Variants in RBFOX3 observed in about 807,000 individuals in gnomAD.
The protein encoded by RBFOX3 is RNA binding fox-1 homolog 3, also known as RNA binding protein fox-1 homolog 3.
In RBFOX3, 17 loss-of-function variants were observed where a neutral mutation model predicts 48.7. The observed-to-expected ratio is 0.35, with a 90% CI of 0.24 to 0.52. RBFOX3 has a LOEUF of 0.52. Among genes scored for constraint, RBFOX3 ranks in the 20% least tolerant of loss-of-function variants. RBFOX3 has a pLI of 0.94. For missense variants in RBFOX3, 382 were observed against 497.5 expected (o/e 0.77, Z 2.21); for synonymous variants, 212 against 209.5 (o/e 1.01, Z -0.10).
At chr17:79,206,699 G>A (rs1394633552) in intron 4 of RBFOX3, among the ~76,000 whole-genome samples, 4 of 152,164 alleles carry the variant, frequency 2.6e-5, no homozygotes, top group African/African-American at 7.2e-5. Context: ...CCCCTGGCAG[G>A]AACAAACCTG....
In RBFOX3 at chr17:79,436,256, T is replaced by C. The variant is rs114787139; in HGVS notation, c.-175+46198A>G. Reference sequence around the variant, plus strand: ...GGCTTGGGTGGGGCAGGCAGCTCCATTGGCAGCTGCTCTAAGGCAGTGCTG... The same window carrying C: ...GGCTTGGGTGGGGCAGGCAGCTCCACTGGCAGCTGCTCTAAGGCAGTGCTG... On this transcript the variant is annotated intron_variant, in intron 2 of 14. Transcript: ENST00000693108. Among the ~76,000 whole-genome samples, 1,211 of 152,302 alleles carry C rather than the reference T, an allele frequency of 8.0e-3. 14 individuals carry two copies. Among genetic ancestry groups the C allele is most frequent in the African/African-American group, 0.028 (1,150 of 41,546 alleles).
intron 1 of RBFOX3, chr17:79,598,281 G>C (rs2145255553): frequency 6.6e-6 from 1 of 152,624 alleles, no homozygotes; most frequent in African/African-American, 2.4e-5. Flanking sequence ...GCAATGCAGA[G>C]ATGACCGTGC....
At chr17:79,123,010 C>T (rs2036161971) in intron 4 of RBFOX3, among the ~76,000 whole-genome samples, 1 of 151,502 alleles carries the variant, frequency 6.6e-6, no homozygotes, top group South Asian at 2.1e-4. Context: ...ATCAAAACAA[C>T]TGAACTCACG....
chr17:79,097,554 T>C (rs1392877737), intron 10 of RBFOX3, 130 bp from the exon 11 acceptor site: 29 of 1,054,546 alleles, frequency 2.8e-5, no homozygotes, highest in Non-Finnish European at 3.2e-5. Context: ...CCCGGAGCGC[T>C]ACTCAGTCAA....
At chr17:79,657,527 C>A in the RBFOX3 span, among the ~76,000 whole-genome samples, 3 of 152,128 alleles carry the variant, frequency 2.0e-5, no homozygotes, top group African/African-American at 7.2e-5. Context: ...AAAAATACAA[C>A]AATTAGCCAA....
chr17:79,182,666 C>A (rs1296774119), intron 4 of RBFOX3, among the ~76,000 whole-genome samples: 1 of 151,980 alleles, frequency 6.6e-6, no homozygotes, highest in Non-Finnish European at 1.5e-5. Context: ...AACTCGCCAG[C>A]CGGAGCTTCC....
chr17:79,289,792 C>G (rs1286591771), intron 3 of RBFOX3, among the ~76,000 whole-genome samples: 2 of 152,238 alleles, frequency 1.3e-5, no homozygotes, highest in Admixed American at 1.3e-4. Context: ...GATAGTTCAA[C>G]TCTAAATGTA....
At chr17:79,280,078 T>A (rs2069899073) in intron 3 of RBFOX3, among the ~76,000 whole-genome samples, 1 of 151,700 alleles carries the variant, frequency 6.6e-6, no homozygotes, top group Non-Finnish European at 1.5e-5. Context: ...GCAGCTAGGG[T>A]TGTAGACAGA....
intron 2 of RBFOX3, among the ~76,000 whole-genome samples, chr17:79,352,800 C>T (rs767382403): frequency 6.6e-6 from 1 of 152,212 alleles, no homozygotes. Context: ...CCTAGGGGAC[C>T]ACCTGGTGGG....
At chr17:79,345,882 CTTGT>C (rs1412541790) in intron 2 of RBFOX3, among the ~76,000 whole-genome samples, 1 of 151,942 alleles carries the variant, frequency 6.6e-6, no homozygotes, top group Non-Finnish European at 1.5e-5. Context: ...TTTGATGTGT[CTTGT>C]TTAAGACATT....
intron 2 of RBFOX3, among the ~76,000 whole-genome samples, chr17:79,324,025 G>A (rs542870131): frequency 2.6e-5 from 4 of 152,200 alleles, no homozygotes; most frequent in South Asian, 2.1e-4. Context: ...TGGGAAGCCC[G>A]CTTCCTCTTG....
chr17:79,197,428 G>C, intron 4 of RBFOX3, among the ~76,000 whole-genome samples: 1 of 134,230 alleles, frequency 7.4e-6, no homozygotes, highest in African/African-American at 2.8e-5. Context: ...TCACTCTGTC[G>C]CCCAGGCTGG....
At chr17:79,414,435 C>CA (rs1437440435) in intron 2 of RBFOX3, among the ~76,000 whole-genome samples, 3 of 152,200 alleles carry the variant, frequency 2.0e-5, no homozygotes, top group African/African-American at 7.2e-5. Flanking sequence ...ACAACTTCCC[C>CA]ACAAAGCCCC....
intron 2 of RBFOX3, among the ~76,000 whole-genome samples, chr17:79,323,039 A>G (rs533091714): frequency 5.3e-5 from 8 of 152,360 alleles, no homozygotes; most frequent in Admixed American, 5.2e-4. Context: ...AAGGCTGGGA[A>G]CCAAGCAGGC....
chr17:79,316,376 G>A (rs528237126), intron 2 of RBFOX3, among the ~76,000 whole-genome samples: 57 of 152,330 alleles, frequency 3.7e-4, no homozygotes, highest in African/African-American at 1.3e-3. Flanking sequence ...GGCTGTGGTC[G>A]GTGCTGTCCA....
intron 2 of RBFOX3, among the ~76,000 whole-genome samples, chr17:79,355,771 G>A (rs928424440): frequency 6.6e-6 from 1 of 152,012 alleles, no homozygotes; most frequent in Non-Finnish European, 1.5e-5. Context: ...AGTAGAGATG[G>A]GATTTCACCA....
intron 3 of RBFOX3, among the ~76,000 whole-genome samples, chr17:79,302,013 A>G (rs1383052702): frequency 1.3e-5 from 2 of 152,214 alleles, no homozygotes; most frequent in African/African-American, 4.8e-5. Context: ...CAGCTTTGCA[A>G]GATGAAGAGT....
rs989824749 is a variant in RBFOX3 at position 79,480,051 on chromosome 17, C to T, written c.-175+2403G>A. On this transcript the variant is annotated intron_variant, in intron 2 of 14. Coordinates refer to ENST00000693108, the MANE Select transcript of RBFOX3 (RefSeq NM_001350451.2). This position sits in a 1 kb window ranked among gnomAD's most constrained non-coding sequence, Gnocchi z 4.8. ...GGCACAGAGCGACCTGACCAGGAGC[C>T]GTAGTGGATGGCACACCAGTGCTGC... Among the ~76,000 whole-genome samples the T allele has an allele frequency of 2.0e-5, 3 of 152,302 alleles. No individual in the cohort carries two copies. The highest frequency in any genetic ancestry group is 2.4e-5 in the African/African-American group (1 of 41,564).
intron 2 of RBFOX3, among the ~76,000 whole-genome samples, chr17:79,338,480 C>T (rs563845288): frequency 2.0e-5 from 3 of 152,268 alleles, no homozygotes; most frequent in South Asian, 4.2e-4. Flanking sequence ...TGGGAAGAGT[C>T]CCTGTGAAAC....
Sources: allele counts gnomAD v4.1 joint callset (sites outside exome capture counted in the v4.1 genomes callset), GRCh38; gene constraint gnomAD v4.1.1; non-coding constraint Gnocchi (gnomAD v3.1); transcripts MANE v1.5; gene names NCBI Gene and HGNC (gene_info 2026-07-23, HGNC 2026-07-21).